Variants in PTPRD observed in about 807,000 individuals in gnomAD.
PTPRD encodes the protein receptor-type tyrosine-protein phosphatase delta.
PTPRD carries 34 observed loss-of-function variants against 214.5 expected under a neutral mutation model. That is an observed-to-expected ratio of 0.16 (90% CI 0.12 to 0.21). The LOEUF (loss-of-function observed/expected upper bound fraction) is 0.21. Ranked by LOEUF, PTPRD falls within the 10% of genes least tolerant of loss-of-function variation. PTPRD has a pLI of 1.00. For synonymous variants in PTPRD, 1,128 were observed against 845.7 expected (o/e 1.33, Z -5.79); for missense variants, 2,545 against 2,398.7 (o/e 1.06, Z -1.27).
At chr9:10,067,749 A>G (rs1332751274) in intron 3 of PTPRD, among the ~76,000 whole-genome samples, 1 of 151,882 alleles carries the variant, frequency 6.6e-6, no homozygotes, top group Non-Finnish European at 1.5e-5. Flanking sequence ...TTTTTCCATT[A>G]TTCATTACTC....
intron 8 of PTPRD, among the ~76,000 whole-genome samples, chr9:9,485,396 A>G (rs1490630043): frequency 6.6e-6 from 1 of 152,212 alleles, no homozygotes; most frequent in Non-Finnish European, 1.5e-5. Flanking sequence ...AGCTGGTTAA[A>G]TCATTATGAA....
rs923788696 is a variant in PTPRD at position 9,129,878 on chromosome 9, G to C, written c.-143+53426C>G. Among the ~76,000 whole-genome samples the C allele has an allele frequency of 2.0e-5, 3 of 152,214 alleles. No homozygotes were observed. In the South Asian group the frequency reaches 6.2e-4, roughly 32 times the overall value. ...GGAGTACAGACTCCCCAGAAGTTCA[G>C]TTTTTCCACTTACCAGTTTTTTTAT... On this transcript the variant is annotated intron_variant, in intron 10 of 45. Coordinates refer to ENST00000381196, the MANE Select transcript of PTPRD (RefSeq NM_002839.4).
chr9:8,767,392 C>G (rs2094839644), intron 11 of PTPRD, among the ~76,000 whole-genome samples: 1 of 152,150 alleles, frequency 6.6e-6, no homozygotes. Context: ...GCTGGGATTA[C>G]AGGTTTGAGC....
At chr9:8,613,882 C>T (rs1201422409) in intron 14 of PTPRD, among the ~76,000 whole-genome samples, 1 of 152,052 alleles carries the variant, frequency 6.6e-6, no homozygotes, top group Non-Finnish European at 1.5e-5. Flanking sequence ...AAGAACTTTC[C>T]TAAATGAATA....
At chr9:9,451,913 A>G (rs377315807) in intron 8 of PTPRD, among the ~76,000 whole-genome samples, 20 of 151,536 alleles carry the variant, frequency 1.3e-4, no homozygotes, top group African/African-American at 4.3e-4. Flanking sequence ...AATAGTTTGA[A>G]ATAAAATAAT....
At chr9:8,670,493 C>T (rs1172957451) in intron 12 of PTPRD, among the ~76,000 whole-genome samples, 1 of 152,126 alleles carries the variant, frequency 6.6e-6, no homozygotes, top group Non-Finnish European at 1.5e-5. Context: ...GTAGATTTTA[C>T]CTGCTTTTGT....
chr9:8,724,689 G>A (rs980050651), intron 12 of PTPRD, among the ~76,000 whole-genome samples: 2 of 152,114 alleles, frequency 1.3e-5, no homozygotes, highest in African/African-American at 2.4e-5. Context: ...ATCTCAGCAC[G>A]TCGGGAGGCC....
At chr9:9,133,545 G>T (rs959192934) in intron 10 of PTPRD, among the ~76,000 whole-genome samples, 3 of 152,142 alleles carry the variant, frequency 2.0e-5, no homozygotes, top group African/African-American at 7.2e-5. Context: ...ATGTGTGCAT[G>T]GCAAGGGAAG....
At chr9:9,053,079 A>ATC (rs2154395887) in intron 10 of PTPRD, among the ~76,000 whole-genome samples, 1 of 152,312 alleles carries the variant, frequency 6.6e-6, no homozygotes, top group East Asian at 1.9e-4. Context: ...TAAGCTTTAT[A>ATC]TCTTAGATAT....
intron 3 of PTPRD, among the ~76,000 whole-genome samples, chr9:10,242,898 G>A (rs2091377498): frequency 7.0e-6 from 1 of 141,958 alleles, no homozygotes; most frequent in Non-Finnish European, 1.6e-5. Context: ...AAAATTGCTG[G>A]AGTTTGAGAG....
chr9:9,350,738 T>C (rs1420507887), intron 9 of PTPRD, among the ~76,000 whole-genome samples: 1 of 152,036 alleles, frequency 6.6e-6, no homozygotes, highest in Non-Finnish European at 1.5e-5. Flanking sequence ...ATATCAAATT[T>C]GAAAAGGAAC....
At chr9:8,694,977 A>G (rs2154385135) in intron 12 of PTPRD, among the ~76,000 whole-genome samples, 1 of 152,316 alleles carries the variant, frequency 6.6e-6, no homozygotes. Context: ...AGTGGTTTAA[A>G]AAATAAGGAC....
In PTPRD at chr9:8,492,195, G is replaced by A. The variant is rs528799872; in HGVS notation, c.2467+667C>T. ...TTTAGAATCCCCACAGCAGGGGGTG[G>A]GGAAGACAAAATGACAAAAGGTAGA... On this transcript the variant is annotated intron_variant, in intron 27 of 45. Transcript: ENST00000381196. 1.9e-4 allele frequency among the ~76,000 whole-genome samples: 29 copies of A among 152,102 alleles called. No homozygotes were observed. In the East Asian group the frequency reaches 3.7e-3, roughly 19 times the overall value.
chr9:8,950,627 T>C (rs1407757217), intron 11 of PTPRD, among the ~76,000 whole-genome samples: 1 of 152,116 alleles, frequency 6.6e-6, no homozygotes, highest in Non-Finnish European at 1.5e-5. Flanking sequence ...CTGTATATAA[T>C]GGAGCAAGTA....
Position 10,121,457 on chromosome 9 carries a change from G to C in PTPRD, c.-544-87667C>G, listed in dbSNP as rs527748101. ...TGTTGTCATTGATAAGGGCAAGCCA[G>C]ATTGGGCTGTAGATTCTACTACTAA... is the stretch of plus-strand genomic sequence containing the variant. On this transcript the variant is annotated intron_variant, in intron 3 of 45. Transcript: ENST00000381196. 2.6e-5 allele frequency among the ~76,000 whole-genome samples: 4 copies of C among 152,304 alleles called. No individual in the cohort carries two copies. In the South Asian group the frequency reaches 8.3e-4, roughly 32 times the overall value.
In PTPRD at chr9:8,795,459, C is replaced by A. The variant is rs10120044; in HGVS notation, c.-103-61513G>T. ...GTGGGATTACAGGTGTGAGCCACCA[C>A]ACCCAGCCAATGAAAAAATTAAATA... On this transcript the variant is annotated intron_variant, in intron 11 of 45. Coordinates refer to ENST00000381196, the MANE Select transcript of PTPRD (RefSeq NM_002839.4). Among the ~76,000 whole-genome samples, 946 of 152,266 alleles carry A rather than the reference C, an allele frequency of 6.2e-3. 7 individuals carry two copies. Among genetic ancestry groups the A allele is most frequent in the African/African-American group, 0.021 (862 of 41,548 alleles).
At chr9:10,238,740 T>C (rs1372099624) in intron 3 of PTPRD, among the ~76,000 whole-genome samples, 1 of 151,908 alleles carries the variant, frequency 6.6e-6, no homozygotes, top group East Asian at 1.9e-4. Flanking sequence ...AGAAATAATA[T>C]TCTCCAAGCT....
intron 5 of PTPRD, among the ~76,000 whole-genome samples, chr9:9,857,660 T>G (rs1380677145): frequency 6.6e-6 from 1 of 152,230 alleles, no homozygotes; most frequent in Non-Finnish European, 1.5e-5. Flanking sequence ...CTGCCCATAT[T>G]ATACAAAATG....
chr9:10,194,529 G>A (rs1013526634), intron 3 of PTPRD, among the ~76,000 whole-genome samples: 4 of 151,852 alleles, frequency 2.6e-5, no homozygotes, highest in Admixed American at 6.6e-5. Context: ...TCATACAACC[G>A]TTATATGTTT....
Sources: gnomAD v4.1 joint callset for allele counts (sites outside exome capture counted in the v4.1 genomes callset) on GRCh38, gnomAD v4.1.1 for gene constraint, MANE v1.5 for transcripts, NCBI Gene and HGNC (gene_info 2026-07-23, HGNC 2026-07-21) for gene names.